GGA2: variants seen among roughly 807,000 people sequenced by gnomAD.
The protein encoded by GGA2 is ADP-ribosylation factor-binding protein GGA2.
In GGA2, 48 loss-of-function variants were observed where a neutral mutation model predicts 79.5. The ratio of observed to expected loss-of-function variants is 0.60; its 90% confidence interval spans 0.48 to 0.77. GGA2 has a LOEUF of 0.77. Ranked by LOEUF, GGA2 falls within the 30% of genes least tolerant of loss-of-function variation. The pLI, the probability that GGA2 is intolerant of heterozygous loss-of-function variation, is 0.00. For synonymous variants in GGA2, 317 were observed against 302.0 expected, an observed-to-expected ratio of 1.05 and a Z score of -0.51; for missense variants, 770 against 774.0, an observed-to-expected ratio of 0.99 and a Z score of 0.06.
upstream of GGA2, chr16:23,522,561 A>C: frequency 6.6e-6 from 1 of 152,124 alleles, no homozygotes; most frequent in African/African-American, 2.4e-5. Flanking sequence ...GTTTGCAACC[A>C]ACGAACTTAA....
Position 23,493,344 on chromosome 16 carries a change from A to T in GGA2, c.351+16T>A. The T allele has an allele frequency of 6.8e-7, 1 of 1,477,572 alleles. No individual in the cohort carries two copies. The highest frequency in any genetic ancestry group is 9.5e-7 in the Non-Finnish European group (1 of 1,055,096). The allele number at this position is 1,477,572 out of a possible 1,614,324, so 91.5% of individuals were successfully genotyped here. A position where few individuals can be genotyped will look rare whatever the true frequency, so the allele number is the denominator to read the frequency against. On this transcript the variant is annotated intron_variant, in intron 4 of 16. Coordinates refer to ENST00000309859, the MANE Select transcript of GGA2 (RefSeq NM_015044.4). ...TAGGTGCGACACAGTCAGCAGAGCCAAGCCCAGGTACTCACCTTTGGGGAC... is the reference window on the plus strand; with the variant it reads ...TAGGTGCGACACAGTCAGCAGAGCCTAGCCCAGGTACTCACCTTTGGGGAC...
rs1279211899 is a variant in GGA2, at chr16:23,510,345, C to T, written c.67G>A (p.Ala23Thr). The T allele has an allele frequency of 7.0e-7, 1 of 1,436,126 alleles. No individual in the cohort carries two copies. The highest frequency in any genetic ancestry group is 9.1e-7 in the Non-Finnish European group (1 of 1,095,632). 89.0% of individuals were successfully genotyped at this position (1,436,126 alleles called of 1,614,324 possible). ...CTGAGCCACAGCTCCAGCGACGCTG[C>T]CGGGCCCGGGGGACCCTGGGCCGAC... is the stretch of plus-strand genomic sequence containing the variant. ...TESAQGPPGP[A>T]ASLELWLNKA... Residue 23 changes from alanine to threonine, a missense_variant, in exon 1 of 17, where the codon GCA becomes ACA. Ala to Thr is a moderately conservative substitution (Grantham distance 58). Coordinates refer to ENST00000309859, the MANE Select transcript of GGA2 (RefSeq NM_015044.4).
At chr16:23,519,632 A>C (rs1479739345) in exon 2 of GGA2, 1 of 421,108 alleles carries the variant, frequency 2.4e-6, no homozygotes, top group African/African-American at 2.1e-5. Flanking sequence ...GATAAAGAGA[A>C]AGGCAGCCTG....
chr16:23,475,353 C>T (rs1407966483), intron 13 of GGA2, among the ~76,000 whole-genome samples: 1 of 151,630 alleles, frequency 6.6e-6, no homozygotes, highest in African/African-American at 2.4e-5. Context: ...CCATGTCCGA[C>T]TAATTTTTGT....
Position 23,465,582 on chromosome 16 carries a change from G to A in GGA2, c.*2008C>T. The stretch of plus-strand genomic sequence containing the variant: ...CACCCATTTTGACCAAAACCCTTCA[G>A]AGGGAGATGCTGTCATTATGATGGG... On this transcript the variant is annotated 3_prime_UTR_variant, in exon 17 of 17. Transcript: ENST00000309859. 2 of 609,842 alleles carry A rather than the reference G, an allele frequency of 3.3e-6. No individual in the cohort carries two copies. The highest frequency in any genetic ancestry group is 5.9e-6 in the Non-Finnish European group (2 of 340,574). 37.8% of individuals were successfully genotyped at this position (609,842 alleles called of 1,614,324 possible).
chr16:23,494,875 A>G (rs1034149860), intron 2 of GGA2, among the ~76,000 whole-genome samples: 1 of 152,198 alleles, frequency 6.6e-6, no homozygotes, highest in Non-Finnish European at 1.5e-5. Context: ...TGAGGTCAGG[A>G]GTTCGAGACC....
Position 23,470,005 on chromosome 16 carries a change from A to G in GGA2, c.1611T>C (p.Ala537=). The part of the protein sequence containing the change: ...QPVWDIMFQV[A]VPKSMRVKLQ... The stretch of plus-strand genomic sequence containing the variant: ...CCAACAGATGACTCACCTTTGGCAC[A>G]GCCACTTGAAACATGATATCCCAGA... Residue 537 remains alanine, a synonymous_variant, in exon 15 of 17, where the codon GCT becomes GCC. Coordinates refer to ENST00000309859, the MANE Select transcript of GGA2 (RefSeq NM_015044.4). 6.4e-7 allele frequency: 1 copy of G among 1,551,716 alleles called. No homozygotes were observed. The highest frequency in any genetic ancestry group is 8.7e-7 in the Non-Finnish European group (1 of 1,148,758).
intron 13 of GGA2, among the ~76,000 whole-genome samples, chr16:23,476,458 T>C (rs769493928): frequency 6.6e-6 from 1 of 152,150 alleles, no homozygotes; most frequent in Non-Finnish European, 1.5e-5. Context: ...GGATCTATAC[T>C]ATAAGGCACT....
At chr16:23,475,436 C>T (rs1231788755) in intron 13 of GGA2, among the ~76,000 whole-genome samples, 1 of 151,676 alleles carries the variant, frequency 6.6e-6, no homozygotes, top group African/African-American at 2.4e-5. Flanking sequence ...GTGATCCGTC[C>T]GCCTCGGCCT....
chr16:23,489,990 G>A (rs1964762885), intron 5 of GGA2, among the ~76,000 whole-genome samples: 1 of 152,186 alleles, frequency 6.6e-6, no homozygotes, highest in Admixed American at 6.5e-5. Flanking sequence ...CAAGACCCAG[G>A]ATGCAGTGCC....
In GGA2 at chr16:23,502,854, T is replaced by C. The variant is rs554139207; in HGVS notation, c.92-7076A>G. The stretch of plus-strand genomic sequence containing the variant: ...GTGCTGAGGATCAACTGCCCCAGAG[T>C]CTACAAGGGAAACACTTTCTGAGAC... On this transcript the variant is annotated intron_variant, in intron 1 of 16. Transcript: ENST00000309859. 2.0e-5 allele frequency among the ~76,000 whole-genome samples: 3 copies of C among 152,264 alleles called. No individual in the cohort carries two copies. The South Asian group carries it at 6.2e-4, about 32-fold the overall frequency.
chr16:23,469,883 C>T, intron 15 of GGA2, 113 bp downstream of exon 15: 1 of 750,094 alleles, frequency 1.3e-6, no homozygotes, highest in Admixed American at 3.0e-5. Flanking sequence ...ACTTTATCTT[C>T]AGTTAGTTTG....
At position 23,467,531 on chromosome 16, in the gene GGA2, CTAG is replaced by C; in HGVS notation, c.*56_*58del. On this transcript the variant is annotated 3_prime_UTR_variant, in exon 17 of 17. Transcript: ENST00000309859. ...ACTGAAACACCGTGATTAGTCCTGA[CTAG>C]ACAGCAAAAGTAACGCCAGCCTAAG... 1.2e-6 allele frequency: 1 copy of C among 855,448 alleles called. No homozygotes were observed. The allele number at this position is 855,448 out of a possible 1,614,324, so 53.0% of individuals were successfully genotyped here.
chr16:23,489,659 T>C (rs1964758418), intron 5 of GGA2, among the ~76,000 whole-genome samples: 1 of 152,124 alleles, frequency 6.6e-6, no homozygotes, highest in Non-Finnish European at 1.5e-5. Flanking sequence ...TAGTAACAAC[T>C]AAGCTAGAAT....
At chr16:23,479,131 T>C in intron 11 of GGA2, 1 of 590,578 alleles carries the variant, frequency 1.7e-6, no homozygotes, top group Non-Finnish European at 3.1e-6. Flanking sequence ...AGCAGGTATG[T>C]GCTCCCCAAG....
At chr16:23,474,248 A>G (rs928472140) in intron 14 of GGA2, among the ~76,000 whole-genome samples, 1 of 152,156 alleles carries the variant, frequency 6.6e-6, no homozygotes, top group Non-Finnish European at 1.5e-5. Context: ...AACCCAAATC[A>G]ACGAACATTA....
chr16:23,490,202 C>T (rs1003879936), intron 5 of GGA2, among the ~76,000 whole-genome samples: 1 of 152,190 alleles, frequency 6.6e-6, no homozygotes, highest in Non-Finnish European at 1.5e-5. Flanking sequence ...CCAACCTAAA[C>T]ATCAGCTAAC....
chr16:23,490,726 C>T (rs1409261641), intron 5 of GGA2, among the ~76,000 whole-genome samples: 3 of 148,904 alleles, frequency 2.0e-5, no homozygotes, highest in Non-Finnish European at 4.4e-5. Flanking sequence ...CAGAGTGAGA[C>T]TCTGTCTCAA....
chr16:23,480,817 A>G (rs143753110), intron 9 of GGA2, 47 bp from the exon 10 acceptor site: 1 of 1,577,042 alleles, frequency 6.3e-7, no homozygotes, highest in Non-Finnish European at 8.7e-7. Context: ...GGCAACCAAC[A>G]ATCTCAGTCT....
Sources: allele counts gnomAD v4.1 joint callset (sites outside exome capture counted in the v4.1 genomes callset), GRCh38; gene constraint gnomAD v4.1.1; transcripts MANE v1.5; gene names NCBI Gene and HGNC (gene_info 2026-07-23, HGNC 2026-07-21).